Variants in BZW2 observed in about 807,000 individuals in gnomAD.
BZW2 encodes the protein eIF5-mimic protein 1.
Under a neutral mutation model 53.2 loss-of-function variants are expected in BZW2, and 23 were observed. The ratio of observed to expected loss-of-function variants is 0.43; its 90% confidence interval spans 0.31 to 0.61. The LOEUF (loss-of-function observed/expected upper bound fraction) is 0.61. BZW2 is among the 20% of genes least tolerant of loss of function. The pLI, the probability that BZW2 is intolerant of heterozygous loss-of-function variation, is 0.09. For missense variants in BZW2, 409 were observed against 503.1 expected (o/e 0.81, Z 1.79); for synonymous variants, 227 against 186.4 (o/e 1.22, Z -1.77).
intron 4 of BZW2, 142 bp downstream of exon 4, chr7:16,681,546 A>G (rs1228416804): frequency 1.4e-6 from 1 of 697,636 alleles, no homozygotes; most frequent in East Asian, 2.8e-5. Flanking sequence ...AACTACAAAA[A>G]TAGGCCTAGC....
At chr7:16,678,030 G>C (rs1029322930) in intron 3 of BZW2, among the ~76,000 whole-genome samples, 1 of 135,010 alleles carries the variant, frequency 7.4e-6, no homozygotes, top group African/African-American at 2.7e-5. Flanking sequence ...TAAATGCTTT[G>C]TTTAATTATT....
chr7:16,699,094 C>T (rs772504337), intron 10 of BZW2, among the ~76,000 whole-genome samples: 11 of 152,128 alleles, frequency 7.2e-5, no homozygotes, highest in Non-Finnish European at 1.2e-4. Flanking sequence ...TTATTGGCCA[C>T]GTAGATTCCT....
intron 7 of BZW2, among the ~76,000 whole-genome samples, chr7:16,690,982 G>A (rs1232747766): frequency 6.6e-6 from 1 of 152,174 alleles, no homozygotes; most frequent in East Asian, 1.9e-4. Context: ...GTGTGCAAGG[G>A]TCCAGTCCCA....
At chr7:16,657,838 C>G (rs561631192) in intron 1 of BZW2, among the ~76,000 whole-genome samples, 5 of 152,158 alleles carry the variant, frequency 3.3e-5, no homozygotes, top group Non-Finnish European at 7.3e-5. Flanking sequence ...ACCATTGTTT[C>G]CTCTCTACAG....
intron 1 of BZW2, among the ~76,000 whole-genome samples, chr7:16,650,264 ATCT>A (rs1283348108): frequency 6.6e-6 from 1 of 152,196 alleles, no homozygotes; most frequent in African/African-American, 2.4e-5. Flanking sequence ...CTGGTAGTTA[ATCT>A]TCATCTTTTT....
At chr7:16,669,429 T>C (rs1333128729) in intron 2 of BZW2, among the ~76,000 whole-genome samples, 1 of 152,190 alleles carries the variant, frequency 6.6e-6, no homozygotes, top group Non-Finnish European at 1.5e-5. Context: ...TGCCCAGCCA[T>C]GTAATATTGG....
chr7:16,648,534 C>T (rs184228794), intron 1 of BZW2, among the ~76,000 whole-genome samples: 20 of 152,338 alleles, frequency 1.3e-4, no homozygotes, highest in Non-Finnish European at 2.4e-4. Context: ...GCTTCTCTCT[C>T]ACCTGTCTCC....
chr7:16,656,555 GCACACACACACACACACACA>G (rs376412401), intron 1 of BZW2, among the ~76,000 whole-genome samples: 1 of 141,204 alleles, frequency 7.1e-6, no homozygotes, highest in African/African-American at 2.6e-5. Flanking sequence ...GCGCGCGCGC[GCACACACACACACACACACA>G]CACACACACA....
intron 1 of BZW2, among the ~76,000 whole-genome samples, chr7:16,651,579 G>A (rs747835903): frequency 6.6e-6 from 1 of 152,198 alleles, no homozygotes; most frequent in Non-Finnish European, 1.5e-5. Context: ...GAAACTGCTG[G>A]CTGGAGGAAA....
chr7:16,652,351 CTTGCTA>C (rs577372845), intron 1 of BZW2, among the ~76,000 whole-genome samples: 52 of 152,074 alleles, frequency 3.4e-4, no homozygotes, highest in African/African-American at 1.2e-3. Flanking sequence ...ACAATCAGTG[CTTGCTA>C]ACTTGTTCTG....
At chr7:16,695,066 TGTAGCAAA>T (rs1783436870) in intron 8 of BZW2, 62 bp downstream of exon 8, 2 of 1,421,304 alleles carry the variant, frequency 1.4e-6, no homozygotes, top group African/African-American at 2.8e-5. Flanking sequence ...ACATGGGCTG[TGTAGCAAA>T]GGCTTTCCTT....
chr7:16,695,045 T>C, intron 8 of BZW2, 41 bp downstream of exon 8: 1 of 1,475,278 alleles, frequency 6.8e-7, no homozygotes, highest in Non-Finnish European at 9.1e-7. Context: ...TACACATGAA[T>C]GAGAGGAATT....
chr7:16,671,813 C>A (rs13239668), intron 2 of BZW2, among the ~76,000 whole-genome samples: 33,819 of 151,392 alleles, frequency 0.22, 4,529 homozygotes, highest in East Asian at 0.38. Context: ...TACCTGTAGT[C>A]CCAGCTACTT....
intron 1 of BZW2, among the ~76,000 whole-genome samples, chr7:16,663,302 T>G (rs1321056760): frequency 1.3e-5 from 2 of 152,218 alleles, no homozygotes; most frequent in Non-Finnish European, 2.9e-5. Flanking sequence ...ATGTTTGAAT[T>G]TTATCCTTCC....
intron 8 of BZW2, among the ~76,000 whole-genome samples, chr7:16,696,607 T>A (rs1783497980): frequency 6.6e-6 from 1 of 152,162 alleles, no homozygotes; most frequent in South Asian, 2.1e-4. Flanking sequence ...GGCTCAAGTA[T>A]CCCTACTCTA....
chr7:16,665,371 T>C (rs1782391389), intron 1 of BZW2, 66 bp from the exon 2 acceptor site: 1 of 1,583,338 alleles, frequency 6.3e-7, no homozygotes, highest in Non-Finnish European at 8.7e-7. Context: ...CCAAACTTAT[T>C]GGCCATATGT....
intron 1 of BZW2, among the ~76,000 whole-genome samples, chr7:16,658,802 G>A (rs1366552381): frequency 6.6e-6 from 1 of 151,946 alleles, no homozygotes; most frequent in Non-Finnish European, 1.5e-5. Flanking sequence ...TTGAACCCAG[G>A]AGGTGGAGGT....
chr7:16,677,372 A>G (rs980096894), intron 3 of BZW2, among the ~76,000 whole-genome samples: 1 of 152,160 alleles, frequency 6.6e-6, no homozygotes, highest in Non-Finnish European at 1.5e-5. Context: ...CACCCTAGGA[A>G]ATCCAGCTAG....
intron 2 of BZW2, among the ~76,000 whole-genome samples, chr7:16,669,826 A>G (rs1256522919): frequency 3.9e-5 from 6 of 152,226 alleles, no homozygotes; most frequent in Admixed American, 1.3e-4. Flanking sequence ...CACAGTTTAA[A>G]TTGGAGACCC....
Sources: allele counts gnomAD v4.1 joint callset (sites outside exome capture counted in the v4.1 genomes callset), GRCh38; gene constraint gnomAD v4.1.1; transcripts MANE v1.5; gene names NCBI Gene and HGNC (gene_info 2026-07-23, HGNC 2026-07-21).